ARHGEF10: variants seen among roughly 807,000 people sequenced by gnomAD.
ARHGEF10 encodes the protein Rho guanine nucleotide exchange factor 10.
A neutral mutation model predicts 147.4 loss-of-function variants in ARHGEF10; 140 were observed. The observed-to-expected ratio is 0.95, with a 90% CI of 0.83 to 1.09. The LOEUF (loss-of-function observed/expected upper bound fraction) is 1.09, where lower values mean the gene tolerates loss of function less well. ARHGEF10 is among the 50% of genes least tolerant of loss of function. ARHGEF10 has a pLI of 0.00. For missense variants in ARHGEF10, 2,222 were observed against 1,752.7 expected, an observed-to-expected ratio of 1.27 and a Z score of -4.78; for synonymous variants, 902 against 695.8, an observed-to-expected ratio of 1.30 and a Z score of -4.67.
intron 15 of ARHGEF10, among the ~76,000 whole-genome samples, chr8:1,900,393 G>C (rs1022267145): frequency 6.6e-6 from 1 of 152,026 alleles, no homozygotes. Context: ...ACTGAGTTAC[G>C]CTCTAGGAAA....
intron 21 of ARHGEF10, 58 bp downstream of exon 21, chr8:1,923,932 C>A: frequency 6.6e-7 from 1 of 1,511,010 alleles, no homozygotes; most frequent in Non-Finnish European, 9.2e-7. Context: ...GAATTCCTGC[C>A]CACGAGGGTG....
At chr8:1,849,933 G>A (rs1267161817) in intron 2 of ARHGEF10, among the ~76,000 whole-genome samples, 33 of 140,830 alleles carry the variant, frequency 2.3e-4, no homozygotes, top group Non-Finnish European at 3.5e-4. Context: ...GCGTGGGCCG[G>A]CTGCGTGGAC....
intron 26 of ARHGEF10, among the ~76,000 whole-genome samples, chr8:1,944,184 C>T (rs1469225264): frequency 4.1e-5 from 6 of 146,982 alleles, no homozygotes; most frequent in African/African-American, 1.3e-4. Context: ...CCGCACCGTG[C>T]TACCTCCCTG....
intron 11 of ARHGEF10, among the ~76,000 whole-genome samples, chr8:1,886,384 T>C (rs894802224): frequency 3.3e-5 from 5 of 152,192 alleles, no homozygotes; most frequent in African/African-American, 1.2e-4. Flanking sequence ...TCCACGGATC[T>C]GGGGAGATCC....
chr8:1,857,648 T>G (rs754205098), intron 2 of ARHGEF10, among the ~76,000 whole-genome samples: 3 of 152,036 alleles, frequency 2.0e-5, no homozygotes, highest in African/African-American at 7.3e-5. Context: ...TCAAGCTTCT[T>G]ACCTTGTGAT....
At chr8:1,837,861 A>G (rs936313898) in intron 1 of ARHGEF10, among the ~76,000 whole-genome samples, 1 of 152,180 alleles carries the variant, frequency 6.6e-6, no homozygotes, top group Non-Finnish European at 1.5e-5. Context: ...AAACTGAGGG[A>G]TACCACGTTC....
chr8:1,945,883 G>GTGCTGGGAGGAGCCGCA (rs1223081250), intron 27 of ARHGEF10: 129 of 742,522 alleles, frequency 1.7e-4, no homozygotes, highest in Non-Finnish European at 6.2e-5. Flanking sequence ...AAGGAGCCGC[G>GTGCTGGGAGGAGCCGCA]TGCTGGGAGG....
At chr8:1,909,501 G>T (rs759615385) in intron 18 of ARHGEF10, 31 bp downstream of exon 18, 1 of 1,612,036 alleles carries the variant, frequency 6.2e-7, no homozygotes, top group Admixed American at 1.7e-5. Context: ...CGTTCGTGCC[G>T]TGGGGCCAGG....
chr8:1,916,151 C>T (rs1216170369), intron 18 of ARHGEF10, among the ~76,000 whole-genome samples: 1 of 152,182 alleles, frequency 6.6e-6, no homozygotes, highest in Non-Finnish European at 1.5e-5. Flanking sequence ...GGCCAGCCCA[C>T]GGAAAGGTGC....
intron 14 of ARHGEF10, 68 bp downstream of exon 14, chr8:1,896,517 C>A: frequency 2.8e-6 from 3 of 1,080,176 alleles, no homozygotes; most frequent in Non-Finnish European, 4.3e-6. Context: ...CAAAGCTTGA[C>A]TCTGAATGCA....
chr8:1,850,243 CG>C (rs1805001159), intron 2 of ARHGEF10, among the ~76,000 whole-genome samples: 1 of 115,280 alleles, frequency 8.7e-6, no homozygotes, highest in Non-Finnish European at 1.9e-5. Flanking sequence ...GTGGGGCAGT[CG>C]CGTGGACACA....
At chr8:1,878,662 G>A (rs2129116122) in intron 8 of ARHGEF10, among the ~76,000 whole-genome samples, 1 of 152,256 alleles carries the variant, frequency 6.6e-6, no homozygotes, top group South Asian at 2.1e-4. Context: ...CCTTCATGGT[G>A]GGCTGTGGAC....
intron 26 of ARHGEF10, among the ~76,000 whole-genome samples, chr8:1,938,072 A>T (rs901058234): frequency 2.6e-5 from 4 of 152,228 alleles, no homozygotes; most frequent in Non-Finnish European, 5.9e-5. Flanking sequence ...CAGGGCCGTC[A>T]GGAGCAGATG....
At chr8:1,832,913 CAG>C (rs1289702491) in intron 1 of ARHGEF10, among the ~76,000 whole-genome samples, 5 of 73,778 alleles carry the variant, frequency 6.8e-5, no homozygotes, top group East Asian at 3.9e-4. Context: ...GAGAGACAGA[CAG>C]AGGCAGAGAC....
intron 18 of ARHGEF10, among the ~76,000 whole-genome samples, chr8:1,913,213 T>C (rs1398351074): frequency 6.6e-6 from 1 of 152,096 alleles, no homozygotes; most frequent in African/African-American, 2.4e-5. Context: ...TCAGTTGCTC[T>C]AGCCGGGCTC....
At chr8:1,903,012 T>A (rs747970588) in intron 15 of ARHGEF10, among the ~76,000 whole-genome samples, 6 of 152,214 alleles carry the variant, frequency 3.9e-5, no homozygotes, top group Non-Finnish European at 5.9e-5. Context: ...GCACAGTATT[T>A]CTGAGATTGT....
chr8:1,924,429 T>C (rs1812533084), intron 21 of ARHGEF10, among the ~76,000 whole-genome samples: 1 of 152,246 alleles, frequency 6.6e-6, no homozygotes, highest in African/African-American at 2.4e-5. Flanking sequence ...AATGTACTTA[T>C]ACACATGCTT....
At chr8:1,940,808 T>G (rs1814028215) in intron 26 of ARHGEF10, among the ~76,000 whole-genome samples, 1 of 152,174 alleles carries the variant, frequency 6.6e-6, no homozygotes, top group Non-Finnish European at 1.5e-5. Context: ...AATGCAAAGA[T>G]GGTTCAGGAC....
intron 26 of ARHGEF10, among the ~76,000 whole-genome samples, chr8:1,934,672 C>T (rs1813429529): frequency 1.3e-5 from 2 of 152,214 alleles, no homozygotes; most frequent in South Asian, 4.1e-4. Flanking sequence ...AAACCCCAGC[C>T]CTCTCCTCCT....
Sources: allele counts gnomAD v4.1 joint callset (sites outside exome capture counted in the v4.1 genomes callset), GRCh38; gene constraint gnomAD v4.1.1; transcripts MANE v1.5; gene names NCBI Gene and HGNC (gene_info 2026-07-23, HGNC 2026-07-21).